The following CDH12 variants were observed in gnomAD, a reference collection of about 807,000 sequenced individuals.
CDH12 encodes the protein cadherin-12.
CDH12 carries 41 observed loss-of-function variants against 74.1 expected under a neutral mutation model. That is an observed-to-expected ratio of 0.55 (90% CI 0.43 to 0.72). The LOEUF (loss-of-function observed/expected upper bound fraction) is 0.72, where lower values mean the gene tolerates loss of function less well. Ranked by LOEUF, CDH12 falls within the 30% of genes least tolerant of loss-of-function variation. The probability of loss-of-function intolerance (pLI) is 0.00; values close to 1 mark genes in which losing one functional copy is unlikely to be tolerated. For synonymous variants in CDH12, 399 were observed against 355.0 expected, an observed-to-expected ratio of 1.12 and a Z score of -1.39; for missense variants, 945 against 977.2, an observed-to-expected ratio of 0.97 and a Z score of 0.44.
At position 22,561,963 on chromosome 5, in the gene CDH12, C is replaced by T. The variant is rs572284014; in HGVS notation, c.-522-56599G>A. On this transcript the variant is annotated intron_variant, in intron 1 of 14. Transcript: ENST00000382254. ...CTTATTGAAGATAATTAAGGAAATACTGTGTTCCACAATTTATAAGAATAT... is the reference window on the plus strand; with the variant it reads ...CTTATTGAAGATAATTAAGGAAATATTGTGTTCCACAATTTATAAGAATAT... Among the ~76,000 whole-genome samples, 12 of 152,172 alleles carry T rather than the reference C, an allele frequency of 7.9e-5. No individual in the cohort carries two copies. In the South Asian group the frequency reaches 8.3e-4, roughly 11 times the overall value.
intron 1 of CDH12, among the ~76,000 whole-genome samples, chr5:22,763,441 A>G (rs1284174550): frequency 2.6e-5 from 4 of 151,948 alleles, no homozygotes; most frequent in Non-Finnish European, 5.9e-5. Flanking sequence ...ATAACTGAGT[A>G]TTTTTTAAAC....
At chr5:22,000,568 C>T (rs954744963) in intron 5 of CDH12, among the ~76,000 whole-genome samples, 11 of 152,286 alleles carry the variant, frequency 7.2e-5, no homozygotes, top group African/African-American at 2.6e-4. Context: ...AGTCCATCAC[C>T]ATGACTGTTT....
At chr5:22,320,865 C>A (rs1376271636) in intron 3 of CDH12, among the ~76,000 whole-genome samples, 2 of 152,220 alleles carry the variant, frequency 1.3e-5, no homozygotes, top group Non-Finnish European at 1.5e-5. Flanking sequence ...CTATCTAAAT[C>A]ATCAGTTTTC....
intron 2 of CDH12, among the ~76,000 whole-genome samples, chr5:22,415,893 T>C (rs1343574142): frequency 2.6e-5 from 4 of 151,236 alleles, no homozygotes; most frequent in Non-Finnish European, 5.9e-5. Context: ...CTTGATACTA[T>C]CCCAAACAAA....
chr5:22,229,326 C>T (rs1290526839), intron 3 of CDH12, among the ~76,000 whole-genome samples: 2 of 143,024 alleles, frequency 1.4e-5, no homozygotes, highest in African/African-American at 2.6e-5. Context: ...AAATCAAGTA[C>T]ATATGCAATT....
chr5:22,709,699 A>C (rs1172595355), intron 1 of CDH12, among the ~76,000 whole-genome samples: 1 of 152,212 alleles, frequency 6.6e-6, no homozygotes, highest in African/African-American at 2.4e-5. Flanking sequence ...TAGCCCATCA[A>C]AAAATGAACA....
chr5:21,781,769 A>G (rs1745929004), intron 11 of CDH12, among the ~76,000 whole-genome samples: 2 of 151,134 alleles, frequency 1.3e-5, no homozygotes, highest in South Asian at 4.2e-4. Flanking sequence ...TATTGGCACT[A>G]TATTCATAGA....
At chr5:22,831,363 G>GTT (rs1736599240) in intron 1 of CDH12, among the ~76,000 whole-genome samples, 1 of 134,878 alleles carries the variant, frequency 7.4e-6, no homozygotes, top group African/African-American at 3.0e-5. Flanking sequence ...GTGTGTGTGT[G>GTT]TGTGTGTCTG....
rs1228358906 is a variant in CDH12 at position 21,832,666 on chromosome 5, C to A, written c.814+9495G>T. 2.7e-5 allele frequency among the ~76,000 whole-genome samples: 4 copies of A among 148,644 alleles called. No individual in the cohort carries two copies. In the East Asian group the frequency reaches 7.9e-4, roughly 29 times the overall value. On this transcript the variant is annotated intron_variant, in intron 8 of 14. Coordinates refer to ENST00000382254, the MANE Select transcript of CDH12 (RefSeq NM_004061.5). ...ATTTTGCATGAATACAAAATATTCT[C>A]ATGAGATACACAATTAACTTATTAA... is the stretch of plus-strand genomic sequence containing the variant.
At chr5:22,547,031 T>C (rs1192471040) in intron 1 of CDH12, among the ~76,000 whole-genome samples, 6 of 152,198 alleles carry the variant, frequency 3.9e-5, no homozygotes. Context: ...GAGATAACTT[T>C]TGCATTTTAA....
intron 3 of CDH12, among the ~76,000 whole-genome samples, chr5:22,308,859 GAGAGAGAGAGGAGAGAGAGAGAGAA>G (rs1738246041): frequency 2.2e-5 from 3 of 139,476 alleles, no homozygotes; most frequent in Non-Finnish European, 4.8e-5. Flanking sequence ...CACACAGAGA[GAGAGAGAGAGGAGAGAGAGAGAGAA>G]AGAGAGAGAG....
In CDH12 at chr5:21,961,567, T is replaced by C. The variant is rs147316421; in HGVS notation, c.526+13524A>G. Among the ~76,000 whole-genome samples, 424 of 152,290 alleles carry C rather than the reference T, an allele frequency of 2.8e-3. 1 individual carries two copies. The highest frequency in any genetic ancestry group is 6.8e-3 in the Middle Eastern group (2 of 294). ...ACCTTATTTAAAGATAGGATCTTTA[T>C]AGATGTAATCAAGTCAAAATGGGAT... On this transcript the variant is annotated intron_variant, in intron 6 of 14. Coordinates refer to ENST00000382254, the MANE Select transcript of CDH12 (RefSeq NM_004061.5).
At chr5:22,080,932 A>G (rs1742683650) in intron 4 of CDH12, among the ~76,000 whole-genome samples, 3 of 151,980 alleles carry the variant, frequency 2.0e-5, no homozygotes. Flanking sequence ...GGTGCGTGCC[A>G]CCACACCCGG....
chr5:21,764,151 G>A (rs1306433714), intron 12 of CDH12, among the ~76,000 whole-genome samples: 1 of 152,048 alleles, frequency 6.6e-6, no homozygotes, highest in African/African-American at 2.4e-5. Flanking sequence ...GAGGCAGGCG[G>A]ATCACGAGGT....
At chr5:22,176,875 C>A (rs1289867678) in intron 4 of CDH12, among the ~76,000 whole-genome samples, 1 of 152,068 alleles carries the variant, frequency 6.6e-6, no homozygotes, top group Non-Finnish European at 1.5e-5. Context: ...ATCCTGCAGC[C>A]CCATTTGCCT....
chr5:21,918,312 A>G (rs1337433354), intron 6 of CDH12, among the ~76,000 whole-genome samples: 2 of 152,198 alleles, frequency 1.3e-5, no homozygotes, highest in African/African-American at 4.8e-5. Flanking sequence ...ATTTCTCAGT[A>G]AGATAATTCC....
At chr5:22,610,692 A>G (rs1737351389) in intron 1 of CDH12, among the ~76,000 whole-genome samples, 1 of 152,028 alleles carries the variant, frequency 6.6e-6, no homozygotes, top group African/African-American at 2.4e-5. Flanking sequence ...CTATTTTAAT[A>G]TCTTATTTTA....
chr5:22,486,506 C>G (rs1746604148), intron 2 of CDH12, among the ~76,000 whole-genome samples: 1 of 137,790 alleles, frequency 7.3e-6, no homozygotes, highest in African/African-American at 2.7e-5. Flanking sequence ...GGCTGGAGTT[C>G]AATGACACGA....
At chr5:22,032,756 T>C (rs1420766633) in intron 5 of CDH12, among the ~76,000 whole-genome samples, 5 of 121,368 alleles carry the variant, frequency 4.1e-5, no homozygotes, top group African/African-American at 1.6e-4. Context: ...CATATTTATA[T>C]ATATTTTATA....
Sources: allele counts gnomAD v4.1 joint callset (sites outside exome capture counted in the v4.1 genomes callset), GRCh38; gene constraint gnomAD v4.1.1; transcripts MANE v1.5; gene names NCBI Gene and HGNC (gene_info 2026-07-23, HGNC 2026-07-21).